FHAD1: variants seen among roughly 807,000 people sequenced by gnomAD.
The protein encoded by FHAD1 is forkhead associated phosphopeptide binding domain 1.
A neutral mutation model predicts 191.3 loss-of-function variants in FHAD1; 146 were observed. The ratio of observed to expected loss-of-function variants is 0.76; its 90% CI spans 0.67 to 0.88. The LOEUF is 0.88. Among genes scored for constraint, FHAD1 ranks in the 40% least tolerant of loss-of-function variants. The pLI, the probability that FHAD1 is intolerant of heterozygous loss-of-function variation, is 0.00. For synonymous variants in FHAD1, 616 were observed against 672.3 expected (o/e 0.92, Z 1.29); for missense variants, 1,635 against 1,785.8 (o/e 0.92, Z 1.52).
At chr1:15,274,007 T>G (rs1242597905) in intron 3 of FHAD1, among the ~76,000 whole-genome samples, 1 of 152,212 alleles carries the variant, frequency 6.6e-6, no homozygotes, top group Non-Finnish European at 1.5e-5. Flanking sequence ...TGTCCTTTTG[T>G]GTCTAGCTGG....
Position 15,301,093 on chromosome 1 carries a change from G to A in FHAD1, c.679-112G>A, listed in dbSNP as rs536867562. ...GATCCACCCATCTTGGCCTCCCATA[G>A]TGCTAGGATTACAGGCGTGAGCCAC... On this transcript the variant is annotated intron_variant, in intron 5 of 33. Transcript: ENST00000688493. 32 of 872,112 alleles carry A rather than the reference G, an allele frequency of 3.7e-5. No individual in the cohort carries two copies. The African/African-American group carries it at 3.8e-4, about 10-fold the overall frequency. The allele number at this position is 872,112 out of a possible 1,614,324, so 54.0% of individuals were successfully genotyped here.
intron 15 of FHAD1, among the ~76,000 whole-genome samples, chr1:15,340,516 G>A (rs1686141156): frequency 6.6e-6 from 1 of 152,118 alleles, no homozygotes; most frequent in Non-Finnish European, 1.5e-5. Flanking sequence ...TGGAGACTAC[G>A]AGGTATAAAA....
Position 15,360,526 on chromosome 1 carries a change from C to A in FHAD1, c.2785C>A (p.Leu929Ile), listed in dbSNP as rs1361523115. 1.0e-5 allele frequency: 16 copies of A among 1,551,522 alleles called. No homozygotes were observed. The South Asian group carries it at 1.7e-4, about 16-fold the overall frequency. Residue 929 changes from leucine (L) to isoleucine (I), a missense_variant, in exon 22 of 34, where the codon CTC becomes ATC. Transcript: ENST00000688493. The stretch of plus-strand genomic sequence containing the variant: ...CCTGCAGCAGAAGATGGTAAAGGCC[C>A]TCCAGGATGAGCAGGAATCACAGAG... The part of the protein sequence containing the change: ...LILQQKMVKA[L>I]QDEQESQRHG...
intron 1 of FHAD1, among the ~76,000 whole-genome samples, chr1:15,249,090 T>A (rs985986381): frequency 2.0e-5 from 3 of 152,164 alleles, no homozygotes; most frequent in Admixed American, 2.0e-4. Flanking sequence ...TTGGGCTCTC[T>A]TGGAACGTAT....
rs55899016 is a variant in FHAD1 at position 15,356,871 on chromosome 1, C to CA, written c.2563-1223dup. Among the ~76,000 whole-genome samples the CA allele has an allele frequency of 7.3e-3, 998 of 137,258 alleles. 3 individuals carry two copies. Among genetic ancestry groups the CA allele is most frequent in the Middle Eastern group, 0.019 (5 of 266 alleles). 90.0% of individuals were successfully genotyped at this position (137,258 alleles called of 152,430 possible). A position where few individuals can be genotyped will look rare whatever the true frequency, so the allele number is the denominator to read the frequency against. On this transcript the variant is annotated intron_variant, in intron 20 of 33. Coordinates refer to ENST00000688493, the MANE Select transcript of FHAD1 (RefSeq NM_001391957.1). ...TGGGCAACAGAGCAAGACTCCATCTCAAAAAAAAAAAAAAAATTGAATGAT... is the reference window on the plus strand; with the variant it reads ...TGGGCAACAGAGCAAGACTCCATCTCAAAAAAAAAAAAAAAAATTGAATGAT...
In FHAD1 at chr1:15,324,499, G is replaced by A. The variant is rs894794422; in HGVS notation, c.1413G>A (p.Leu471=). Residue 471 remains leucine, a synonymous_variant, in exon 11 of 34, where the codon CTG becomes CTA. Coordinates refer to ENST00000688493, the MANE Select transcript of FHAD1 (RefSeq NM_001391957.1). The part of the protein sequence containing the change: ...QEDSRRKLLQ[L]QEMGNRESVI... ...ATTCCAGAAGGAAATTGCTTCAGCT[G>A]CAAGAAATGGGGAACAGAGAGAGCG... 1.0e-5 allele frequency: 16 copies of A among 1,552,160 alleles called. No homozygotes were observed. In the African/African-American group the frequency reaches 2.1e-4, roughly 20 times the overall value.
chr1:15,271,139 G>A (rs57371257), intron 2 of FHAD1, among the ~76,000 whole-genome samples: 42,681 of 82,222 alleles, frequency 0.52, 10,133 homozygotes, highest in East Asian at 0.8. Flanking sequence ...ACTCCATCTC[G>A]GAAAAAAAAA....
chr1:15,400,234 A>G (rs942761515), downstream of FHAD1: 7 of 152,214 alleles, frequency 4.6e-5, no homozygotes, highest in Admixed American at 2.6e-4. Context: ...TGAACTGCCT[A>G]CCTCTGTACT....
At chr1:15,253,327 T>C (rs1405911666) in intron 2 of FHAD1, among the ~76,000 whole-genome samples, 1 of 152,240 alleles carries the variant, frequency 6.6e-6, no homozygotes, top group African/African-American at 2.4e-5. Context: ...AATTTTAGAA[T>C]AAGTCTGTCT....
At chr1:15,379,417 C>T (rs1700383945) in intron 28 of FHAD1, among the ~76,000 whole-genome samples, 1 of 152,208 alleles carries the variant, frequency 6.6e-6, no homozygotes, top group Admixed American at 6.5e-5. Context: ...GCGGTTTTTC[C>T]CTATCTCAGT....
chr1:15,289,658 TCAAG>T lies in FHAD1; in HGVS notation c.565_568del (p.Gln189CysfsTer6), dbSNP rs766304596. 5.2e-6 allele frequency: 8 copies of T among 1,548,004 alleles called. No individual in the cohort carries two copies. In the East Asian group the frequency reaches 9.8e-5, roughly 19 times the overall value. ...GACGACGCCCGCAAGCCACCCGTCA[TCAAG>T]CAAGGTATGCGTCAGGGCTGCCATT... On this transcript the variant is annotated frameshift_variant, in exon 4 of 34. Coordinates refer to ENST00000688493, the MANE Select transcript of FHAD1 (RefSeq NM_001391957.1). LOFTEE classifies it high-confidence loss of function. The surrounding 1 kb of genome is among the most constrained non-coding windows in gnomAD (Gnocchi z 4.2).
At chr1:15,310,416 AG>A (rs1158786097) in intron 7 of FHAD1, among the ~76,000 whole-genome samples, 1 of 152,170 alleles carries the variant, frequency 6.6e-6, no homozygotes, top group Non-Finnish European at 1.5e-5. Context: ...CAGGCATCCC[AG>A]GGGGATCTCG....
At chr1:15,317,966 C>T (rs1364459105) in intron 10 of FHAD1, 38 bp downstream of exon 10, 4 of 1,305,502 alleles carry the variant, frequency 3.1e-6, no homozygotes, top group East Asian at 2.5e-5. Context: ...GTGGTGTGGG[C>T]GGTAGCTCCC....
chr1:15,283,660 A>G (rs1161330771), intron 3 of FHAD1, among the ~76,000 whole-genome samples: 3 of 152,154 alleles, frequency 2.0e-5, no homozygotes, highest in African/African-American at 7.2e-5. Context: ...CTCCTCTGGC[A>G]CAGCAGTGAG....
intron 29 of FHAD1, 63 bp downstream of exon 29, chr1:15,380,859 G>A (rs937132666): frequency 2.5e-6 from 3 of 1,218,116 alleles, no homozygotes; most frequent in African/African-American, 3.0e-5. Flanking sequence ...AGTCAGTGTT[G>A]AACGCAGGAT....
At chr1:15,340,862 A>G (rs1392354947) in intron 15 of FHAD1, among the ~76,000 whole-genome samples, 1 of 152,172 alleles carries the variant, frequency 6.6e-6, no homozygotes, top group African/African-American at 2.4e-5. Flanking sequence ...AGCAATGGAC[A>G]TGATAAGCAT....
Position 15,367,497 on chromosome 1 carries a change from G to A in FHAD1, c.3189G>A (p.Glu1063=). 1.3e-6 allele frequency: 2 copies of A among 1,551,490 alleles called. No individual in the cohort carries two copies. The highest frequency in any genetic ancestry group is 1.7e-6 in the Non-Finnish European group (2 of 1,146,946). The change falls in exon 25 of 34, where the codon GAG becomes GAA. Residue 1063 remains glutamate, a synonymous_variant. Transcript: ENST00000688493. ...ELNEKQKMEL[E]QNVVLVQQQS... The stretch of plus-strand genomic sequence containing the variant: ...ACGAGAAGCAGAAGATGGAACTGGA[G>A]CAGAACGTGGTGCTGGTCCAGCAGC...
At chr1:15,364,330 CG>C (rs1459991411) in intron 23 of FHAD1, 1 of 152,774 alleles carries the variant, frequency 6.5e-6, no homozygotes, top group African/African-American at 2.4e-5. Context: ...CTGTATAAGG[CG>C]GGGCGCAGTG....
intron 10 of FHAD1, among the ~76,000 whole-genome samples, chr1:15,323,209 T>C (rs1292822623): frequency 1.3e-5 from 2 of 152,038 alleles, no homozygotes; most frequent in African/African-American, 4.8e-5. Context: ...AGGAGCTCAA[T>C]AAATAAATCT....
Sources: gnomAD v4.1 joint callset for allele counts (sites outside exome capture counted in the v4.1 genomes callset) on GRCh38, gnomAD v4.1.1 for gene constraint, Gnocchi (gnomAD v3.1) non-coding constraint, MANE v1.5 for transcripts, NCBI Gene and HGNC (gene_info 2026-07-23, HGNC 2026-07-21) for gene names.